The following MGAM variants were observed in gnomAD, a reference collection of about 807,000 sequenced individuals.
The protein encoded by MGAM is maltase-glucoamylase, also known as alpha-1,4-glucosidase.
MGAM carries 253 observed loss-of-function variants against 358.8 expected under a neutral mutation model. The observed-to-expected ratio is 0.71, with a 90% confidence interval of 0.64 to 0.78. MGAM has a LOEUF of 0.78. MGAM is among the 30% of genes least tolerant of loss of function. MGAM has a pLI of 0.00. For missense variants in MGAM, 3,080 were observed against 3,432.6 expected, an observed-to-expected ratio of 0.90 and a Z score of 2.57; for synonymous variants, 1,105 against 1,227.1, an observed-to-expected ratio of 0.90 and a Z score of 2.08.
At chr7:142,009,141 A>C (rs1554453586) in intron 3 of MGAM, among the ~76,000 whole-genome samples, 1 of 152,134 alleles carries the variant, frequency 6.6e-6, no homozygotes, top group African/African-American at 2.4e-5. Context: ...GCTCATCTAG[A>C]ATCTGCAGTA....
Position 142,025,114 on chromosome 7 carries a change from C to T in MGAM, c.947C>T (p.Ser316Phe). ...TGCCTTGAAGATGCTAGTGGATTGT[C>T]CTTTGGGGTGTTTCTGATGAACAGC... Reference protein sequence around the residue: ...FLCLEDASGLSFGVFLMNSNA... With the variant: ...FLCLEDASGLFFGVFLMNSNA... Residue 316 changes from serine (S) to phenylalanine (F), a missense_variant, in exon 8 of 71, where the codon TCC becomes TTC. This residue lies in a region of MGAM where 1,816 missense variants were observed against 1,840.5 expected (regional missense o/e 0.99). Transcript: ENST00000475668. The T allele has an allele frequency of 8.1e-6, 13 of 1,613,166 alleles. No individual in the cohort carries two copies. The highest frequency in any genetic ancestry group is 1.1e-5 in the Non-Finnish European group (13 of 1,179,272).
intron 50 of MGAM, 38 bp from the exon 51 acceptor site, chr7:142,082,003 GC>G: frequency 3.9e-6 from 6 of 1,536,548 alleles, no homozygotes; most frequent in Non-Finnish European, 5.4e-6. Context: ...AGAGAGAAAA[GC>G]CCATTTTCTG....
chr7:142,035,305 A>G (rs992230547), intron 16 of MGAM, among the ~76,000 whole-genome samples: 1 of 152,184 alleles, frequency 6.6e-6, no homozygotes, highest in Non-Finnish European at 1.5e-5. Flanking sequence ...AGGGAAGGAA[A>G]GCATAAATAT....
intron 41 of MGAM, 87 bp from the exon 42 acceptor site, chr7:142,067,254 A>T: frequency 9.1e-7 from 1 of 1,094,422 alleles, no homozygotes; most frequent in East Asian, 2.5e-5. Context: ...TGTATTTCCG[A>T]CTTGGATCTG....
intron 2 of MGAM, among the ~76,000 whole-genome samples, chr7:141,990,758 G>A (rs1324292071): frequency 6.6e-6 from 1 of 151,980 alleles, no homozygotes; most frequent in Admixed American, 6.5e-5. Context: ...GTATACATGT[G>A]CCATGCTGGT....
intron 12 of MGAM, 93 bp downstream of exon 12, chr7:142,030,850 GTTTTA>G (rs782181317): frequency 4.6e-5 from 36 of 786,684 alleles, no homozygotes; most frequent in Non-Finnish European, 7.4e-5. Flanking sequence ...GCATGTAATT[GTTTTA>G]TTGTACATTT....
At chr7:142,073,736 T>A (rs1481450694) in intron 44 of MGAM, among the ~76,000 whole-genome samples, 1 of 146,246 alleles carries the variant, frequency 6.8e-6, no homozygotes, top group Non-Finnish European at 1.5e-5. Flanking sequence ...ATTGCTAAAG[T>A]GATCTGACTG....
chr7:142,000,911 C>G (rs545570105), intron 1 of MGAM, among the ~76,000 whole-genome samples: 29 of 152,196 alleles, frequency 1.9e-4, no homozygotes, highest in African/African-American at 6.3e-4. Flanking sequence ...TTAATAAACA[C>G]TTGGAAAAAA....
rs1246444060 is a variant in MGAM, at chr7:142,071,537, G to A, written c.5186+419G>A. Among the ~76,000 whole-genome samples the A allele has an allele frequency of 1.4e-5, 2 of 146,046 alleles. 1 individual carries two copies. Among genetic ancestry groups the A allele is most frequent in the Non-Finnish European group, 3.1e-5 (2 of 64,456 alleles). On this transcript the variant is annotated intron_variant, in intron 44 of 70. Transcript: ENST00000475668. ...AACAGCCAGGTGGTCAGCCTCCTTG[G>A]TTTGCCAGGACTGATGCATTTTAGC...
chr7:142,048,497 A>C (rs1290640436), intron 22 of MGAM, among the ~76,000 whole-genome samples: 1 of 52,762 alleles, frequency 1.9e-5, no homozygotes, highest in Non-Finnish European at 6.9e-5. Flanking sequence ...GATGGTTTCA[A>C]GACTGTTCCC....
At chr7:142,040,944 T>C in intron 21 of MGAM, 98 bp downstream of exon 21, 19 of 1,431,436 alleles carry the variant, frequency 1.3e-5, no homozygotes, top group Admixed American at 2.5e-5. Context: ...GGTCAGCCTC[T>C]TTGGTTTGGC....
chr7:141,998,232 A>G (rs1804429877), intron 1 of MGAM, among the ~76,000 whole-genome samples: 2 of 152,190 alleles, frequency 1.3e-5, no homozygotes, highest in South Asian at 4.1e-4. Flanking sequence ...ATGTATATAT[A>G]GTAATAATTC....
intron 50 of MGAM, among the ~76,000 whole-genome samples, chr7:142,081,339 A>G (rs558798648): frequency 4.1e-5 from 6 of 146,316 alleles, no homozygotes; most frequent in African/African-American, 1.5e-4. Flanking sequence ...ATTGAGGGTT[A>G]TGGTGTGGTT....
intron 2 of MGAM, among the ~76,000 whole-genome samples, chr7:142,007,231 A>C (rs1302950813): frequency 1.3e-5 from 2 of 152,132 alleles, no homozygotes; most frequent in Admixed American, 6.6e-5. Context: ...AAATTTATAC[A>C]TAGTTTTTTC....
chr7:142,092,423 C>A, intron 58 of MGAM, 98 bp from the exon 59 acceptor site: 1 of 1,207,662 alleles, frequency 8.3e-7, no homozygotes, highest in South Asian at 1.4e-5. Context: ...ATAGGGATTA[C>A]TGGATGTTGA....
chr7:142,074,337 G>T (rs1813568718), intron 45 of MGAM, among the ~76,000 whole-genome samples, 164 bp downstream of exon 45: 1 of 145,978 alleles, frequency 6.9e-6, no homozygotes, highest in Non-Finnish European at 1.5e-5. Context: ...GATAGTGGTG[G>T]ACGAACTACT....
At chr7:142,057,805 A>G (rs1277182917) in intron 30 of MGAM, among the ~76,000 whole-genome samples, 1 of 152,128 alleles carries the variant, frequency 6.6e-6, no homozygotes. Flanking sequence ...CAGAAACACT[A>G]TCAGGCAGAT....
rs570997548 is a variant in MGAM at position 142,021,225 on chromosome 7, A to G, written c.558+142A>G. ...TATTATTAATTAGCACCTGTATGTT[A>G]AAGACATATACAGAATAGCTTCCTT... On this transcript the variant is annotated intron_variant, in intron 5 of 70. Coordinates refer to ENST00000475668, the MANE Select transcript of MGAM (RefSeq NM_001365693.1). 1.3e-5 allele frequency: 8 copies of G among 629,270 alleles called. No individual in the cohort carries two copies. The Admixed American group carries it at 2.2e-4, about 17-fold the overall frequency. The allele number at this position is 629,270 out of a possible 1,614,324, so 39.0% of individuals were successfully genotyped here.
chr7:142,020,068 CAA>C (rs10601773), intron 4 of MGAM, among the ~76,000 whole-genome samples: 90,598 of 136,416 alleles, frequency 0.66, 29,324 homozygotes, highest in East Asian at 0.85. Context: ...GACTCCGTCT[CAA>C]AAAAAAAAAA....
Sources: allele counts gnomAD v4.1 joint callset (sites outside exome capture counted in the v4.1 genomes callset), GRCh38; gene constraint gnomAD v4.1.1; regional missense constraint gnomAD v4.1.1; transcripts MANE v1.5; gene names NCBI Gene and HGNC (gene_info 2026-07-23, HGNC 2026-07-21).